The following NBEAL1 variants were observed in gnomAD, a reference collection of about 807,000 sequenced individuals.
NBEAL1 encodes the protein neurobeachin like 1, also known as neurobeachin-like protein 1.
Under a neutral mutation model 351.3 loss-of-function variants are expected in NBEAL1, and 273 were observed. That is an observed-to-expected ratio of 0.78 (90% CI 0.70 to 0.86). NBEAL1 has a LOEUF of 0.86. Among genes scored for constraint, NBEAL1 ranks in the 40% least tolerant of loss-of-function variants. The pLI, the probability that NBEAL1 is intolerant of heterozygous loss-of-function variation, is 0.00. For missense variants in NBEAL1, 2,961 were observed against 3,201.3 expected, an observed-to-expected ratio of 0.92 and a Z score of 1.81; for synonymous variants, 1,050 against 1,086.4, an observed-to-expected ratio of 0.97 and a Z score of 0.66.
chr2:203,157,923 G>A (rs571602299), intron 36 of NBEAL1, 98 bp downstream of exon 36: 1 of 983,016 alleles, frequency 1.0e-6, no homozygotes, highest in East Asian at 2.9e-5. Context: ...TATTTCCAGG[G>A]TCCAACAGTT....
intron 3 of NBEAL1, among the ~76,000 whole-genome samples, chr2:203,043,976 G>C (rs1411640124): frequency 6.6e-6 from 1 of 152,124 alleles, no homozygotes; most frequent in Non-Finnish European, 1.5e-5. Flanking sequence ...TGGAAAATAA[G>C]AGTGCTACTG....
In NBEAL1 at chr2:203,223,097, G is replaced by A. The variant is rs1559075199; in HGVS notation, c.*5743G>A. ...TCATCAGACACATCTCCTTCGTTTG[G>A]TGATTATCTCATTGATCTTTGTCAC... On this transcript the variant is annotated 3_prime_UTR_variant, in exon 56 of 56. Transcript: ENST00000683969. Among the ~76,000 whole-genome samples the A allele has an allele frequency of 6.6e-6, 1 of 152,076 alleles. No individual in the cohort carries two copies. Among genetic ancestry groups the A allele is most frequent in the Non-Finnish European group, 1.5e-5 (1 of 67,992 alleles).
intron 29 of NBEAL1, 100 bp downstream of exon 29, chr2:203,136,874 A>G (rs1002936241): frequency 2.8e-6 from 3 of 1,063,992 alleles, no homozygotes; most frequent in African/African-American, 3.2e-5. Flanking sequence ...CTGTGGATAT[A>G]ACAAGGGAGA....
chr2:203,190,345 G>A lies in NBEAL1; in HGVS notation c.6877G>A (p.Gly2293Arg), dbSNP rs545191738. Residue 2293 changes from glycine (G) to arginine (R), a missense_variant, in exon 46 of 56, where the codon GGG becomes AGG. Transcript: ENST00000683969. ...TGAGAAAGAAAGAAAAGCCTTAGAA[G>A]GGATGATTAATAATTTTGGGCAAAC... ...TDEKERKALE[G>R]MINNFGQTPC... 6.2e-7 allele frequency: 1 copy of A among 1,612,404 alleles called. No homozygotes were observed. The highest frequency in any genetic ancestry group is 1.3e-5 in the African/African-American group (1 of 74,830).
chr2:203,139,654 T>C (rs1466789263), intron 31 of NBEAL1, among the ~76,000 whole-genome samples: 1 of 126,354 alleles, frequency 7.9e-6, no homozygotes, highest in African/African-American at 3.0e-5. Context: ...AACCTCCACC[T>C]CCCAGGTTCA....
chr2:203,124,411 A>G (rs2062894897), intron 19 of NBEAL1, among the ~76,000 whole-genome samples: 1 of 152,194 alleles, frequency 6.6e-6, no homozygotes, highest in Non-Finnish European at 1.5e-5. Flanking sequence ...AAACATGAGG[A>G]CTATAGTTAA....
intron 35 of NBEAL1, among the ~76,000 whole-genome samples, chr2:203,153,654 T>C (rs1433743219): frequency 3.9e-5 from 6 of 152,206 alleles, no homozygotes; most frequent in Non-Finnish European, 8.8e-5. Context: ...TAGCCAGTTG[T>C]GTATAGCTTT....
At chr2:203,045,425 G>A (rs75143472) in intron 3 of NBEAL1, among the ~76,000 whole-genome samples, 41 of 152,178 alleles carry the variant, frequency 2.7e-4, no homozygotes, top group African/African-American at 9.4e-4. Flanking sequence ...ATATATGTAT[G>A]TTAATGAGAT....
Position 203,208,602 on chromosome 2 carries a change from C to G in NBEAL1, c.7507-35C>G, listed in dbSNP as rs746617824. ...CTTGTGAAAAACAGGAAACAAGAAA[C>G]CACCTTTACCTTTGCTTTTCTCTTG... On this transcript the variant is annotated intron_variant, in intron 51 of 55. Transcript: ENST00000683969. 3 of 1,473,928 alleles carry G rather than the reference C, an allele frequency of 2.0e-6. No homozygotes were observed. The African/African-American group carries it at 4.2e-5, about 21-fold the overall frequency. The allele number at this position is 1,473,928 out of a possible 1,614,324, so 91.3% of individuals were successfully genotyped here.
At chr2:203,093,323 G>A (rs151070477) in intron 10 of NBEAL1, among the ~76,000 whole-genome samples, 112 of 148,044 alleles carry the variant, frequency 7.6e-4, no homozygotes, top group Middle Eastern at 3.5e-3. Flanking sequence ...GTTAGCATTG[G>A]TTTTTCTTCA....
At chr2:203,147,669 C>T (rs1047035986) in intron 33 of NBEAL1, among the ~76,000 whole-genome samples, 4 of 151,956 alleles carry the variant, frequency 2.6e-5, no homozygotes, top group African/African-American at 9.7e-5. Context: ...CTTCCCATGC[C>T]GGGCTGCAAA....
intron 9 of NBEAL1, 122 bp from the exon 10 acceptor site, chr2:203,084,341 A>G (rs1481552559): frequency 2.1e-6 from 1 of 470,690 alleles, no homozygotes; most frequent in Non-Finnish European, 3.7e-6. Flanking sequence ...TGTTAGTGTC[A>G]TTTTAAAAAT....
At chr2:203,099,607 G>A in intron 11 of NBEAL1, 22 bp from the exon 12 acceptor site, 2 of 1,480,642 alleles carry the variant, frequency 1.4e-6, no homozygotes, top group Non-Finnish European at 1.8e-6. Flanking sequence ...TTAATTTCTT[G>A]TTTCCCCTTC....
At chr2:203,024,205 AAAAAAAAG>A (rs1030885994) in intron 2 of NBEAL1, among the ~76,000 whole-genome samples, 6 of 151,288 alleles carry the variant, frequency 4.0e-5, no homozygotes, top group African/African-American at 1.2e-4. Context: ...CACACAAAAA[AAAAAAAAG>A]AAAAAAAGAA....
At chr2:203,035,223 C>T (rs1298142550) in intron 2 of NBEAL1, among the ~76,000 whole-genome samples, 1 of 149,140 alleles carries the variant, frequency 6.7e-6, no homozygotes. Context: ...TGACTAGTGG[C>T]CCCCATATTG....
intron 53 of NBEAL1, among the ~76,000 whole-genome samples, chr2:203,210,188 C>T (rs2065742547): frequency 6.6e-6 from 1 of 151,390 alleles, no homozygotes; most frequent in Non-Finnish European, 1.5e-5. Context: ...CATGGTGAAA[C>T]CCCATCTCTA....
chr2:203,128,262 CTTTTTTT>C (rs11355179), intron 24 of NBEAL1, among the ~76,000 whole-genome samples: 4 of 94,914 alleles, frequency 4.2e-5, no homozygotes, highest in African/African-American at 1.7e-4. Context: ...AATTTTTTGC[CTTTTTTT>C]TTTTTTTTTT....
At chr2:203,029,668 G>T (rs2060918753) in intron 2 of NBEAL1, among the ~76,000 whole-genome samples, 1 of 149,136 alleles carries the variant, frequency 6.7e-6, no homozygotes, top group East Asian at 2.0e-4. Flanking sequence ...CTTCAGCCTG[G>T]GCAATAGAGT....
chr2:203,190,070 A>G (rs2065021787), intron 45 of NBEAL1, among the ~76,000 whole-genome samples: 1 of 149,368 alleles, frequency 6.7e-6, no homozygotes, highest in Admixed American at 6.7e-5. Flanking sequence ...CAGGAGGTGG[A>G]GGTTGCAGTG....
Sources: allele counts gnomAD v4.1 joint callset (sites outside exome capture counted in the v4.1 genomes callset), GRCh38; gene constraint gnomAD v4.1.1; transcripts MANE v1.5; gene names NCBI Gene and HGNC (gene_info 2026-07-23, HGNC 2026-07-21).